Variants in NELL1 observed in about 807,000 individuals in gnomAD.
NELL1 encodes protein kinase C-binding protein NELL1.
In NELL1, 76 loss-of-function variants were observed where a neutral mutation model predicts 107.4. The observed-to-expected ratio is 0.71, with a 90% CI of 0.59 to 0.86. NELL1 has a LOEUF of 0.86. Among genes scored for constraint, NELL1 ranks in the 40% least tolerant of loss-of-function variants. The pLI is 0.00. For synonymous variants in NELL1, 353 were observed against 341.2 expected (o/e 1.03, Z -0.38); for missense variants, 1,024 against 1,005.5 (o/e 1.02, Z -0.25).
chr11:20,759,195 C>T (rs926292670), intron 2 of NELL1, among the ~76,000 whole-genome samples: 1 of 152,196 alleles, frequency 6.6e-6, no homozygotes, highest in African/African-American at 2.4e-5. Flanking sequence ...TCAACTCTTA[C>T]ATTAACCTGC....
intron 16 of NELL1, among the ~76,000 whole-genome samples, chr11:21,557,127 G>C (rs1265355270): frequency 6.6e-6 from 1 of 151,806 alleles, no homozygotes; most frequent in African/African-American, 2.4e-5. Flanking sequence ...GAATAATGTT[G>C]GTTTCCATAA....
chr11:21,293,842 A>C (rs911606604), intron 14 of NELL1, among the ~76,000 whole-genome samples: 1 of 152,162 alleles, frequency 6.6e-6, no homozygotes, highest in Admixed American at 6.5e-5. Context: ...AGAAAACCAA[A>C]CACCACATGA....
chr11:21,525,350 C>T (rs1425568822), intron 15 of NELL1, among the ~76,000 whole-genome samples: 2 of 152,170 alleles, frequency 1.3e-5, no homozygotes, highest in Non-Finnish European at 2.9e-5. Context: ...AATGACATCA[C>T]CAGATATTTT....
chr11:21,090,220 G>T (rs773774584), intron 12 of NELL1, among the ~76,000 whole-genome samples: 1 of 152,134 alleles, frequency 6.6e-6, no homozygotes, highest in Non-Finnish European at 1.5e-5. Flanking sequence ...GTTTATAAAG[G>T]CTAGTTCATC....
intron 2 of NELL1, among the ~76,000 whole-genome samples, chr11:20,728,698 G>C (rs561916253): frequency 6.6e-6 from 1 of 151,908 alleles, no homozygotes; most frequent in South Asian, 2.1e-4. Flanking sequence ...GTATCATGCT[G>C]TTTTGGTTAC....
chr11:21,370,961 GT>G lies in NELL1; in HGVS notation c.1645+17del. 1 of 1,583,976 alleles carries G rather than the reference GT, an allele frequency of 6.3e-7. No homozygotes were observed. The highest frequency in any genetic ancestry group is 8.6e-7 in the Non-Finnish European group (1 of 1,156,230). Reference sequence around the variant, plus strand: ...CACTGCGAGAAAGGTAATCTAGCTTGTTTTATGGGGGATAGGGACAAAGATT... The same window carrying G: ...CACTGCGAGAAAGGTAATCTAGCTTGTTTATGGGGGATAGGGACAAAGATT... On this transcript the variant is annotated intron_variant, in intron 15 of 19. Coordinates refer to ENST00000357134, the MANE Select transcript of NELL1 (RefSeq NM_006157.5).
intron 15 of NELL1, among the ~76,000 whole-genome samples, chr11:21,499,896 A>G (rs1312257041): frequency 2.0e-5 from 3 of 152,078 alleles, no homozygotes; most frequent in African/African-American, 4.8e-5. Flanking sequence ...GTATATGTCA[A>G]CAACTTAAAT....
At chr11:20,809,122 T>A (rs1857446712) in intron 3 of NELL1, among the ~76,000 whole-genome samples, 2 of 152,316 alleles carry the variant, frequency 1.3e-5, no homozygotes, top group South Asian at 4.1e-4. Context: ...GGAAGGGCAC[T>A]TGGAGATTTT....
intron 2 of NELL1, among the ~76,000 whole-genome samples, chr11:20,689,332 T>C (rs1162492665): frequency 6.6e-6 from 1 of 151,772 alleles, no homozygotes; most frequent in African/African-American, 2.4e-5. Context: ...ATGTGCACAA[T>C]GTGCTGGTTA....
intron 14 of NELL1, among the ~76,000 whole-genome samples, chr11:21,354,817 C>T (rs1850893773): frequency 6.6e-6 from 1 of 152,140 alleles, no homozygotes; most frequent in African/African-American, 2.4e-5. Context: ...TTGCAGAATG[C>T]TTTTACCTGG....
At chr11:20,827,925 A>G (rs1368354340) in intron 3 of NELL1, among the ~76,000 whole-genome samples, 1 of 151,224 alleles carries the variant, frequency 6.6e-6, no homozygotes, top group African/African-American at 2.4e-5. Flanking sequence ...CTTAGTCCCA[A>G]AGGGAGACTG....
intron 14 of NELL1, among the ~76,000 whole-genome samples, chr11:21,279,926 AC>A (rs1848954964): frequency 6.6e-6 from 1 of 152,246 alleles, no homozygotes; most frequent in South Asian, 2.1e-4. Flanking sequence ...AACGGAGGAA[AC>A]GTAAATGCAC....
chr11:21,551,072 G>A (rs998757007), intron 16 of NELL1, among the ~76,000 whole-genome samples: 2 of 150,944 alleles, frequency 1.3e-5, no homozygotes, highest in African/African-American at 4.9e-5. Flanking sequence ...TTGTAAGTTG[G>A]ATTCCTAGGT....
At chr11:20,848,495 A>C (rs1277452397) in intron 4 of NELL1, among the ~76,000 whole-genome samples, 1 of 152,134 alleles carries the variant, frequency 6.6e-6, no homozygotes, top group Non-Finnish European at 1.5e-5. Flanking sequence ...GAAAGTTTTT[A>C]TCTCTCCATA....
At chr11:20,904,409 CAATTATTATGTGTT>C (rs1849947540) in intron 5 of NELL1, among the ~76,000 whole-genome samples, 1 of 151,978 alleles carries the variant, frequency 6.6e-6, no homozygotes, top group Non-Finnish European at 1.5e-5. Context: ...TACATAGGTA[CAATTATTATGTGTT>C]AATTTAAGAA....
chr11:20,880,674 C>T (rs1564947744), intron 4 of NELL1, among the ~76,000 whole-genome samples: 1 of 152,128 alleles, frequency 6.6e-6, no homozygotes, highest in Non-Finnish European at 1.5e-5. Context: ...ATACTAGTCA[C>T]AACTTCAGAA....
intron 15 of NELL1, among the ~76,000 whole-genome samples, chr11:21,475,261 T>C (rs1156804149): frequency 1.3e-5 from 2 of 152,146 alleles, no homozygotes; most frequent in Admixed American, 1.3e-4. Flanking sequence ...TTTATCTCAG[T>C]GTCATTTTAA....
chr11:21,001,978 C>G (rs868785510), intron 12 of NELL1, among the ~76,000 whole-genome samples: 1 of 152,188 alleles, frequency 6.6e-6, no homozygotes, highest in Non-Finnish European at 1.5e-5. Flanking sequence ...AATGGCCCAG[C>G]CTTAGTACCC....
intron 13 of NELL1, among the ~76,000 whole-genome samples, chr11:21,166,634 A>G (rs1856489702): frequency 6.6e-6 from 1 of 151,828 alleles, no homozygotes; most frequent in Non-Finnish European, 1.5e-5. Context: ...AAAGAGACTT[A>G]GAAGCGCACA....
Sources: gnomAD v4.1 joint callset for allele counts (sites outside exome capture counted in the v4.1 genomes callset) on GRCh38, gnomAD v4.1.1 for gene constraint, MANE v1.5 for transcripts, NCBI Gene and HGNC (gene_info 2026-07-23, HGNC 2026-07-21) for gene names.